Variants in NETO1 observed in about 807,000 individuals in gnomAD.
NETO1 encodes the protein neuropilin and tolloid like 1.
In NETO1, 26 loss-of-function variants were observed where a neutral mutation model predicts 61.3. The observed-to-expected ratio is 0.42, with a 90% CI of 0.31 to 0.59. The LOEUF is 0.59. Among genes scored for constraint, NETO1 ranks in the 20% least tolerant of loss-of-function variants. The probability of loss-of-function intolerance (pLI) is 0.12; values close to 1 mark genes in which losing one functional copy is unlikely to be tolerated. For synonymous variants in NETO1, 225 were observed against 225.8 expected, an observed-to-expected ratio of 1.00 and a Z score of 0.03; for missense variants, 531 against 662.8, an observed-to-expected ratio of 0.80 and a Z score of 2.18.
At chr18:72,810,861 GGAAA>G (rs2072844657) in intron 4 of NETO1, among the ~76,000 whole-genome samples, 2 of 152,148 alleles carry the variant, frequency 1.3e-5, no homozygotes, top group African/African-American at 2.4e-5. Context: ...GATGTTAGAA[GGAAA>G]GAATGGGTTT....
intron 4 of NETO1, among the ~76,000 whole-genome samples, chr18:72,800,972 T>C (rs188786297): frequency 7.2e-4 from 109 of 152,298 alleles, no homozygotes; most frequent in Middle Eastern, 3.4e-3. Flanking sequence ...AACAAACCTG[T>C]CTTTCTTTTT....
At chr18:72,864,111 C>T (rs1480442157) in intron 3 of NETO1, among the ~76,000 whole-genome samples, 2 of 151,730 alleles carry the variant, frequency 1.3e-5, no homozygotes, top group South Asian at 2.1e-4. Context: ...CCCAGCTACT[C>T]GGGAGGCTGA....
At chr18:72,865,365 G>C (rs2074704392) in intron 1 of NETO1, 124 bp from the exon 2 acceptor site, 1 of 1,142,708 alleles carries the variant, frequency 8.8e-7, no homozygotes, top group Non-Finnish European at 1.2e-6. Flanking sequence ...TTAACTGTTA[G>C]AAGTCGATTC....
At chr18:72,865,726 A>C in intron 1 of NETO1, 1 of 1,508,550 alleles carries the variant, frequency 6.6e-7, no homozygotes, top group Non-Finnish European at 8.9e-7. Context: ...ACTTAGACAA[A>C]TCCTACAGAC....
intron 7 of NETO1, among the ~76,000 whole-genome samples, chr18:72,757,774 A>T (rs2070831646): frequency 6.6e-6 from 1 of 152,194 alleles, no homozygotes; most frequent in Admixed American, 6.5e-5. Context: ...GAATTTCTGT[A>T]GCTGACTATA....
intron 1 of NETO1, chr18:72,865,493 A>T: frequency 6.7e-7 from 1 of 1,493,384 alleles, no homozygotes; most frequent in Non-Finnish European, 9.2e-7. Flanking sequence ...TACATCATTC[A>T]CTCTAAAGGC....
rs2074778157 is a variant in NETO1, at chr18:72,867,498, C to T, written c.-207G>A. On this transcript the variant is annotated 5_prime_UTR_variant, in exon 1 of 11. Transcript: ENST00000327305. ...ATCCGGATGAGTCCGTCCTCCGCCC[C>T]GGGCGGGCTCTCGCTCTCGCTGGCC... is the stretch of plus-strand genomic sequence containing the variant. 1 of 394,790 alleles carries T rather than the reference C, an allele frequency of 2.5e-6. No homozygotes were observed. The highest frequency in any genetic ancestry group is 4.5e-6 in the Non-Finnish European group (1 of 223,250). The allele number at this position is 394,790 out of a possible 1,614,324, so 24.5% of individuals were successfully genotyped here.
intron 4 of NETO1, among the ~76,000 whole-genome samples, chr18:72,840,076 T>C (rs2073881945): frequency 6.6e-6 from 1 of 152,190 alleles, no homozygotes; most frequent in Non-Finnish European, 1.5e-5. Flanking sequence ...TTGAAAACAG[T>C]ATGGTTTTCA....
chr18:72,784,952 A>G (rs893343946), intron 6 of NETO1, among the ~76,000 whole-genome samples: 4 of 152,252 alleles, frequency 2.6e-5, no homozygotes, highest in Admixed American at 1.3e-4. Context: ...CATGACAATA[A>G]GATACAATGT....
At chr18:72,844,491 A>G (rs1351441027) in intron 4 of NETO1, among the ~76,000 whole-genome samples, 1 of 152,204 alleles carries the variant, frequency 6.6e-6, no homozygotes, top group Non-Finnish European at 1.5e-5. Context: ...TGATTTCCAG[A>G]GTTGTTCGCA....
chr18:72,828,998 C>A (rs1014549240), intron 4 of NETO1, among the ~76,000 whole-genome samples: 1 of 152,038 alleles, frequency 6.6e-6, no homozygotes, highest in African/African-American at 2.4e-5. Context: ...AGAAAATTAC[C>A]CCTTAACAGT....
rs980826396 is a variant in NETO1, at chr18:72,756,135, C to A, written c.881G>T (p.Gly294Val). The A allele has an allele frequency of 6.3e-7, 1 of 1,588,952 alleles. No homozygotes were observed. The highest frequency in any genetic ancestry group is 8.6e-7 in the Non-Finnish European group (1 of 1,159,114). ...FTSFQEPPCEGNTFFCHSNMC... is the reference protein window; with the variant it reads ...FTSFQEPPCEVNTFFCHSNMC... ...GTTACTATGGCAGAAGAATGTGTTG[C>A]CTTCACAAGGAGCTAAAAAGAAGAA... The change falls in exon 8 of 11, where the codon GGC (glycine) becomes GTC (valine). Residue 294 changes from glycine to valine, a missense_variant. Physicochemically the swap from Gly to Val is moderately radical, Grantham distance 109 (BLOSUM62 -3). Coordinates refer to ENST00000327305, the MANE Select transcript of NETO1 (RefSeq NM_138966.5).
chr18:72,814,957 T>A (rs1480725083), intron 4 of NETO1, among the ~76,000 whole-genome samples: 1 of 152,010 alleles, frequency 6.6e-6, no homozygotes, highest in Non-Finnish European at 1.5e-5. Context: ...ATTATTATTA[T>A]TTAGTAAAAC....
intron 4 of NETO1, among the ~76,000 whole-genome samples, chr18:72,810,260 G>A (rs1342190613): frequency 1.3e-5 from 2 of 152,068 alleles, no homozygotes; most frequent in African/African-American, 4.8e-5. Flanking sequence ...CAGTAATTTA[G>A]GTTTGAACGG....
rs745869977 is a variant in NETO1, at chr18:72,746,333, G to A, written c.*1846C>T. Among the ~76,000 whole-genome samples the A allele has an allele frequency of 6.6e-6, 1 of 152,000 alleles. No individual in the cohort carries two copies. Among genetic ancestry groups the A allele is most frequent in the Admixed American group, 6.6e-5 (1 of 15,246 alleles). ...TAATTTTAAATTAAAGGGCAAAAAA[G>A]GAACCATGGTAATAAATAAACCAGT... On this transcript the variant is annotated 3_prime_UTR_variant, in exon 11 of 11. Transcript: ENST00000327305.
In NETO1 at chr18:72,866,888, A is replaced by G. The variant is rs563366464; in HGVS notation, c.28+376T>C. 3.0e-5 allele frequency: 22 copies of G among 741,954 alleles called. No homozygotes were observed. In the African/African-American group the frequency reaches 3.9e-4, roughly 13 times the overall value. The allele number at this position is 741,954 out of a possible 1,614,324, so 46.0% of individuals were successfully genotyped here. A position where few individuals can be genotyped will look rare whatever the true frequency, so the allele number is the denominator to read the frequency against. On this transcript the variant is annotated intron_variant, in intron 1 of 10. Coordinates refer to ENST00000327305, the MANE Select transcript of NETO1 (RefSeq NM_138966.5). ...CCCGCCGAGCTCCGGGAGCCCCTAGAAGAGGAAGACTCCTCTGGCCCCACT... is the reference window on the plus strand; with the variant it reads ...CCCGCCGAGCTCCGGGAGCCCCTAGGAGAGGAAGACTCCTCTGGCCCCACT...
At chr18:72,784,344 A>G (rs2071840649) in intron 6 of NETO1, among the ~76,000 whole-genome samples, 1 of 134,374 alleles carries the variant, frequency 7.4e-6, no homozygotes, top group South Asian at 2.2e-4. Flanking sequence ...AAAAACAAAA[A>G]TGATACTGAA....
At chr18:72,773,023 C>A (rs1599141143) in intron 7 of NETO1, among the ~76,000 whole-genome samples, 1 of 151,530 alleles carries the variant, frequency 6.6e-6, no homozygotes, top group East Asian at 2.0e-4. Flanking sequence ...AGCTACATAG[C>A]CTATATTTAG....
intron 4 of NETO1, chr18:72,834,314 G>A: frequency 1.2e-6 from 1 of 865,804 alleles, no homozygotes; most frequent in Non-Finnish European, 1.4e-6. Context: ...TGACAAAACT[G>A]TAGTTTAACC....
Sources: gnomAD v4.1 joint callset for allele counts (sites outside exome capture counted in the v4.1 genomes callset) on GRCh38, gnomAD v4.1.1 for gene constraint, MANE v1.5 for transcripts, NCBI Gene and HGNC (gene_info 2026-07-23, HGNC 2026-07-21) for gene names.